Variants in KCNQ1OT1 observed in about 807,000 individuals in gnomAD.
KCNQ1OT1 encodes the protein KCNQ1 opposite strand/antisense transcript 1, also known as KCNQ1 antisense RNA 2 (non-protein coding).
chr11:2,688,431 CCT>C (rs1456173008), exon 1 of KCNQ1OT1: 8 of 398,640 alleles, frequency 2.0e-5, no homozygotes, highest in Non-Finnish European at 3.5e-5. Flanking sequence ...GGCCCCAGCC[CCT>C]GCCTGTGCCA....
rs943975791 is a variant in KCNQ1OT1 at position 2,624,746 on chromosome 11, C to A, written n.75249G>T. On this transcript the variant is annotated non_coding_transcript_exon_variant, in exon 1 of 1. Transcript: ENST00000597346. The surrounding 1 kb of genome is among the most constrained non-coding windows in gnomAD (Gnocchi z 4.9). ...CATTAAACAATAATTCCCCAACCCCCCCACCACCGCCATCTCTTGGAAACC... is the reference window on the plus strand; with the variant it reads ...CATTAAACAATAATTCCCCAACCCCACCACCACCGCCATCTCTTGGAAACC... 2.5e-6 allele frequency: 1 copy of A among 398,472 alleles called. No homozygotes were observed. The highest frequency in any genetic ancestry group is 6.3e-4 in the Middle Eastern group (1 of 1,588). 24.7% of individuals were successfully genotyped at this position (398,472 alleles called of 1,614,324 possible). A position where few individuals can be genotyped will look rare whatever the true frequency, so the allele number is the denominator to read the frequency against.
At position 2,652,122 on chromosome 11, in the gene KCNQ1OT1, G is replaced by C. The variant is rs1211499738; in HGVS notation, n.47873C>G. The C allele has an allele frequency of 1.5e-5, 6 of 398,612 alleles. No individual in the cohort carries two copies. Among genetic ancestry groups the C allele is most frequent in the Non-Finnish European group, 2.7e-5 (6 of 226,148 alleles). 24.7% of individuals were successfully genotyped at this position (398,612 alleles called of 1,614,324 possible). A position where few individuals can be genotyped will look rare whatever the true frequency, so the allele number is the denominator to read the frequency against. ...TTCTGGCCTGGCTGGGAGGTGGCCT[G>C]GGAAGGGACCTGTGTTTCTCAAGCC... On this transcript the variant is annotated non_coding_transcript_exon_variant, in exon 1 of 1. Coordinates refer to ENST00000597346, the Ensembl canonical transcript of KCNQ1OT1. The surrounding 1 kb of genome is among the most constrained non-coding windows in gnomAD (Gnocchi z 5.9).
rs184656165 is a variant in KCNQ1OT1, at chr11:2,622,290, A to C, written n.77705T>G. 546 of 398,304 alleles carry C rather than the reference A, an allele frequency of 1.4e-3. 2 individuals are homozygous for C. Among genetic ancestry groups the C allele is most frequent in the African/African-American group, 9.6e-3 (469 of 48,716 alleles). 24.7% of individuals were successfully genotyped at this position (398,304 alleles called of 1,614,324 possible). ...GTCTTGAGTAATTTTCCATTTTCTCAGTATGTAATGTCCTCCTTTGTCTCC... is the reference window on the plus strand; with the variant it reads ...GTCTTGAGTAATTTTCCATTTTCTCCGTATGTAATGTCCTCCTTTGTCTCC... On this transcript the variant is annotated non_coding_transcript_exon_variant, in exon 1 of 1. Coordinates refer to ENST00000597346, the Ensembl canonical transcript of KCNQ1OT1.
exon 1 of KCNQ1OT1, chr11:2,693,908 A>G: frequency 2.5e-6 from 1 of 398,752 alleles, no homozygotes; most frequent in Non-Finnish European, 4.4e-6. Context: ...CCTGGAGTGT[A>G]CTGCAAACCT....
chr11:2,661,001 A>C lies in KCNQ1OT1; in HGVS notation n.38994T>G, dbSNP rs1437199525. On this transcript the variant is annotated non_coding_transcript_exon_variant, in exon 1 of 1. Transcript: ENST00000597346. The surrounding 1 kb of genome is among the most constrained non-coding windows in gnomAD (Gnocchi z 5.9). ...TATTATGTAATGACTAAAATAATTAAATCCATGCCTATATACCTAGAGAAA... is the reference window on the plus strand; with the variant it reads ...TATTATGTAATGACTAAAATAATTACATCCATGCCTATATACCTAGAGAAA... 1 of 398,632 alleles carries C rather than the reference A, an allele frequency of 2.5e-6. No individual in the cohort carries two copies. Among genetic ancestry groups the C allele is most frequent in the Non-Finnish European group, 4.4e-6 (1 of 226,062 alleles). The allele number at this position is 398,632 out of a possible 1,614,324, so 24.7% of individuals were successfully genotyped here.
exon 1 of KCNQ1OT1, chr11:2,675,967 T>C (rs1014185401): frequency 5.0e-6 from 2 of 398,438 alleles, no homozygotes; most frequent in African/African-American, 2.1e-5. Flanking sequence ...ACAAAAGGGG[T>C]GAAAAATAAC....
In KCNQ1OT1 at chr11:2,678,071, A is replaced by G. The variant is rs1221367269; in HGVS notation, n.21924T>C. 11 of 398,282 alleles carry G rather than the reference A, an allele frequency of 2.8e-5. No homozygotes were observed. The highest frequency in any genetic ancestry group is 4.4e-5 in the Non-Finnish European group (10 of 225,984). 24.7% of individuals were successfully genotyped at this position (398,282 alleles called of 1,614,324 possible). A position where few individuals can be genotyped will look rare whatever the true frequency, so the allele number is the denominator to read the frequency against. Reference sequence around the variant, plus strand: ...CTTCATACCCTTTGGACTTTGTAAAATACCTTGTCTTACTGATTTGTAGAA... The same window carrying G: ...CTTCATACCCTTTGGACTTTGTAAAGTACCTTGTCTTACTGATTTGTAGAA... On this transcript the variant is annotated non_coding_transcript_exon_variant, in exon 1 of 1. Coordinates refer to ENST00000597346, the Ensembl canonical transcript of KCNQ1OT1. The surrounding 1 kb of genome is among the most constrained non-coding windows in gnomAD (Gnocchi z 4.9).
At chr11:2,692,978 C>T (rs1850613120) in exon 1 of KCNQ1OT1, 1 of 398,534 alleles carries the variant, frequency 2.5e-6, no homozygotes, top group Non-Finnish European at 4.4e-6. Flanking sequence ...CTGAACTCTC[C>T]TGGTTTCCAG....
chr11:2,650,437 G>A, exon 1 of KCNQ1OT1: 2 of 398,622 alleles, frequency 5.0e-6, no homozygotes, highest in Non-Finnish European at 8.8e-6. Flanking sequence ...CGCGTCTGTA[G>A]TATCATTTGG....
At chr11:2,641,215 C>T in exon 1 of KCNQ1OT1, 1 of 398,398 alleles carries the variant, frequency 2.5e-6, no homozygotes, top group Non-Finnish European at 4.4e-6. Flanking sequence ...TGTCATATTT[C>T]TCTTTTTAGG....
At position 2,635,095 on chromosome 11, in the gene KCNQ1OT1, G is replaced by A. The variant is rs554015231; in HGVS notation, n.64900C>T. ...TCTGGATATTAGCCTTTTATCAGATGAGTAGATTGCAAAAAATTTCTCCCA... is the reference window on the plus strand; with the variant it reads ...TCTGGATATTAGCCTTTTATCAGATAAGTAGATTGCAAAAAATTTCTCCCA... On this transcript the variant is annotated non_coding_transcript_exon_variant, in exon 1 of 1. Coordinates refer to ENST00000597346, the Ensembl canonical transcript of KCNQ1OT1. 3.9e-5 allele frequency: 6 copies of A among 152,284 alleles called. No homozygotes were observed. In the East Asian group the frequency reaches 1.2e-3, roughly 29 times the overall value. The allele number at this position is 152,284 out of a possible 1,614,324, so 9.4% of individuals were successfully genotyped here.
At chr11:2,640,282 C>G (rs1849552776) in exon 1 of KCNQ1OT1, 1 of 397,926 alleles carries the variant, frequency 2.5e-6, no homozygotes, top group African/African-American at 2.1e-5. Context: ...GCAGAAATCA[C>G]CCATCTTCTG....
At chr11:2,644,784 G>A (rs966014664) in exon 1 of KCNQ1OT1, 45 of 398,532 alleles carry the variant, frequency 1.1e-4, no homozygotes, top group Non-Finnish European at 2.2e-5. Context: ...CTGCAGTAGT[G>A]TGATCTCCAT....
At chr11:2,686,414 A>G in exon 1 of KCNQ1OT1, 1 of 398,642 alleles carries the variant, frequency 2.5e-6, no homozygotes, top group Non-Finnish European at 4.4e-6. Context: ...GATATTGTGG[A>G]TACCTATGCC....
chr11:2,621,783 G>T lies in KCNQ1OT1; in HGVS notation n.78212C>A, dbSNP rs912758337. 3 of 397,996 alleles carry T rather than the reference G, an allele frequency of 7.5e-6. No individual in the cohort carries two copies. Among genetic ancestry groups the T allele is most frequent in the Non-Finnish European group, 1.3e-5 (3 of 225,884 alleles). 24.7% of individuals were successfully genotyped at this position (397,996 alleles called of 1,614,324 possible). On this transcript the variant is annotated non_coding_transcript_exon_variant, in exon 1 of 1. Transcript: ENST00000597346. The surrounding 1 kb of genome is among the most constrained non-coding windows in gnomAD (Gnocchi z 5.7). ...CTCTTTCTTAGTCCAAGAGTTTGTT[G>T]ATTTTATTTTTCAAAAATCAATTCT...
Position 2,673,804 on chromosome 11 carries a change from C to A in KCNQ1OT1, n.26191G>T. 1 of 398,680 alleles carries A rather than the reference C, an allele frequency of 2.5e-6. No homozygotes were observed. The highest frequency in any genetic ancestry group is 4.4e-6 in the Non-Finnish European group (1 of 226,150). The allele number at this position is 398,680 out of a possible 1,614,324, so 24.7% of individuals were successfully genotyped here. A position where few individuals can be genotyped will look rare whatever the true frequency, so the allele number is the denominator to read the frequency against. On this transcript the variant is annotated non_coding_transcript_exon_variant, in exon 1 of 1. Coordinates refer to ENST00000597346, the Ensembl canonical transcript of KCNQ1OT1. The surrounding 1 kb of genome is among the most constrained non-coding windows in gnomAD (Gnocchi z 4.5). Reference sequence around the variant, plus strand: ...CTCTGGTGCAAAGGGCAGTGATGGCCCTTCAATCCCAGGCCCACAAGCACC... The same window carrying A: ...CTCTGGTGCAAAGGGCAGTGATGGCACTTCAATCCCAGGCCCACAAGCACC...
Position 2,671,370 on chromosome 11 carries a change from G to C in KCNQ1OT1, n.28625C>G. 2.5e-6 allele frequency: 1 copy of C among 398,470 alleles called. No individual in the cohort carries two copies. The highest frequency in any genetic ancestry group is 4.4e-6 in the Non-Finnish European group (1 of 226,062). The allele number at this position is 398,470 out of a possible 1,614,324, so 24.7% of individuals were successfully genotyped here. On this transcript the variant is annotated non_coding_transcript_exon_variant, in exon 1 of 1. Coordinates refer to ENST00000597346, the Ensembl canonical transcript of KCNQ1OT1. The surrounding 1 kb of genome is among the most constrained non-coding windows in gnomAD (Gnocchi z 4.7). ...ATGACACTGGGAATATCCTGAAAAA[G>C]GTACAGGAACACCTGGCATGCCTCT...
chr11:2,611,561 G>A lies in KCNQ1OT1; in HGVS notation n.88434C>T, dbSNP rs908880388. On this transcript the variant is annotated non_coding_transcript_exon_variant, in exon 1 of 1. Coordinates refer to ENST00000597346, the Ensembl canonical transcript of KCNQ1OT1. This position sits in a 1 kb window ranked among gnomAD's most constrained non-coding sequence, Gnocchi z 5.3. ...CACTCTAGCTTTCTTATTACTGTTT[G>A]CATGTCATCTTTTTCCATCATTTTA... The A allele has an allele frequency of 1.5e-5, 6 of 398,328 alleles. No individual in the cohort carries two copies. The highest frequency in any genetic ancestry group is 2.7e-5 in the Non-Finnish European group (6 of 226,052). The allele number at this position is 398,328 out of a possible 1,614,324, so 24.7% of individuals were successfully genotyped here.
rs1850431717 is a variant in KCNQ1OT1, at chr11:2,683,454, A to G, written n.16541T>C. ...GTAACTGGAAAAATGTAGGAATTAC[A>G]TATGATTCCATCAATGACAGTTTTC... is the stretch of plus-strand genomic sequence containing the variant. On this transcript the variant is annotated non_coding_transcript_exon_variant, in exon 1 of 1. Transcript: ENST00000597346. This position sits in a 1 kb window ranked among gnomAD's most constrained non-coding sequence, Gnocchi z 4.7. 1 of 398,684 alleles carries G rather than the reference A, an allele frequency of 2.5e-6. No individual in the cohort carries two copies. Among genetic ancestry groups the G allele is most frequent in the Admixed American group, 4.4e-5 (1 of 22,740 alleles). The allele number at this position is 398,684 out of a possible 1,614,324, so 24.7% of individuals were successfully genotyped here.
Sources: gnomAD v4.1 joint callset for allele counts on GRCh38, gnomAD v4.1.1 for gene constraint, Gnocchi (gnomAD v3.1) non-coding constraint, MANE v1.5 for transcripts, NCBI Gene and HGNC (gene_info 2026-07-23, HGNC 2026-07-21) for gene names.